The following SIPA1L2 variants were observed in gnomAD, a reference collection of about 807,000 sequenced individuals.
SIPA1L2 encodes signal-induced proliferation-associated 1-like protein 2.
In SIPA1L2, 56 loss-of-function variants were observed where a neutral mutation model predicts 163.9. That is an observed-to-expected ratio of 0.34 (90% confidence interval 0.28 to 0.43). SIPA1L2 has a LOEUF of 0.43. Among genes scored for constraint, SIPA1L2 ranks in the 20% least tolerant of loss-of-function variants. SIPA1L2 has a pLI of 1.00. For missense variants in SIPA1L2, 1,974 were observed against 2,193.5 expected (o/e 0.90, Z 2.00); for synonymous variants, 877 against 865.7 (o/e 1.01, Z -0.23).
chr1:232,604,834 G>A (rs1432402102), intron 1 of SIPA1L2, among the ~76,000 whole-genome samples: 1 of 151,988 alleles, frequency 6.6e-6, no homozygotes, highest in Admixed American at 6.6e-5. Context: ...TCCTGTGTGG[G>A]CCATATAAGA....
At chr1:232,595,506 T>A (rs879791506) in intron 1 of SIPA1L2, among the ~76,000 whole-genome samples, 2 of 152,204 alleles carry the variant, frequency 1.3e-5, no homozygotes, top group African/African-American at 2.4e-5. Flanking sequence ...TCCTTTCAGC[T>A]GTCACATTCC....
Position 232,473,679 on chromosome 1 carries a change from C to T in SIPA1L2, c.2086-2151G>A, listed in dbSNP as rs76283093. Among the ~76,000 whole-genome samples, 91 of 152,316 alleles carry T rather than the reference C, an allele frequency of 6.0e-4. 1 individual carries two copies. Among genetic ancestry groups the T allele is most frequent in the African/African-American group, 2.1e-3 (89 of 41,578 alleles). On this transcript the variant is annotated intron_variant, in intron 7 of 22. Coordinates refer to ENST00000674635, the MANE Select transcript of SIPA1L2 (RefSeq NM_020808.5). The stretch of plus-strand genomic sequence containing the variant: ...CATGCCAAACCACTGTTGTCCCTTT[C>T]TAGACACATTCTTTTGCTTTGTAAA...
intron 19 of SIPA1L2, among the ~76,000 whole-genome samples, chr1:232,410,043 T>C (rs1558153111): frequency 6.6e-6 from 1 of 152,204 alleles, no homozygotes; most frequent in Non-Finnish European, 1.5e-5. Context: ...TATCTAAATT[T>C]CTTTTATCTC....
At chr1:232,493,352 C>T (rs1291024552) in intron 4 of SIPA1L2, among the ~76,000 whole-genome samples, 175 bp downstream of exon 4, 3 of 152,074 alleles carry the variant, frequency 2.0e-5, no homozygotes, top group Non-Finnish European at 2.9e-5. Context: ...TGGCATGTTT[C>T]CAAATTTTTC....
At chr1:232,492,604 G>T (rs1420701915) in intron 4 of SIPA1L2, among the ~76,000 whole-genome samples, 1 of 152,160 alleles carries the variant, frequency 6.6e-6, no homozygotes, top group Non-Finnish European at 1.5e-5. Flanking sequence ...CTAAAAGCAA[G>T]ACAAGCAAGA....
chr1:232,598,405 C>G (rs7523501), intron 1 of SIPA1L2, among the ~76,000 whole-genome samples: 122,670 of 152,140 alleles, frequency 0.81, 50,693 homozygotes, highest in East Asian at 0.92. Flanking sequence ...ATGAAACCCT[C>G]TCTCTAAAAG....
intron 2 of SIPA1L2, among the ~76,000 whole-genome samples, chr1:232,531,982 G>C (rs1035947232): frequency 1.3e-5 from 2 of 152,184 alleles, no homozygotes; most frequent in Non-Finnish European, 2.9e-5. Context: ...AGATCCGGGA[G>C]GGACTGATGG....
intron 8 of SIPA1L2, among the ~76,000 whole-genome samples, chr1:232,466,429 G>T (rs1382789843): frequency 1.3e-5 from 2 of 152,214 alleles, no homozygotes; most frequent in Non-Finnish European, 2.9e-5. Flanking sequence ...CTACATCAGA[G>T]AGTTGCTTTA....
intron 3 of SIPA1L2, among the ~76,000 whole-genome samples, chr1:232,511,096 C>A (rs188325064): frequency 7.2e-5 from 11 of 152,250 alleles, no homozygotes; most frequent in African/African-American, 2.4e-4. Flanking sequence ...CTAACTTCCA[C>A]CTAGAGAGCA....
At chr1:232,433,574 CA>C (rs1192117381) in intron 15 of SIPA1L2, among the ~76,000 whole-genome samples, 1 of 152,044 alleles carries the variant, frequency 6.6e-6, no homozygotes, top group Admixed American at 6.5e-5. Context: ...GCCCTAAAAA[CA>C]ATAAAAATTT....
chr1:232,627,760 C>G (rs2102900146), intron 1 of SIPA1L2, among the ~76,000 whole-genome samples: 1 of 152,320 alleles, frequency 6.6e-6, no homozygotes, highest in South Asian at 2.1e-4. Flanking sequence ...AAGCCAGAAG[C>G]TCCACCCCCA....
chr1:232,586,687 G>C (rs965254790), intron 1 of SIPA1L2, among the ~76,000 whole-genome samples: 1 of 152,190 alleles, frequency 6.6e-6, no homozygotes, highest in Non-Finnish European at 1.5e-5. Flanking sequence ...CTCTTCTAGA[G>C]CCACCCAAGA....
Position 232,419,999 on chromosome 1 carries a change from G to A in SIPA1L2, c.4631-4374C>T, listed in dbSNP as rs1343855341. ...CAACAAACAGATGAATACTGTTGGT[G>A]TTGGTCTGAGAGGGGTTTGGAGTAG... On this transcript the variant is annotated intron_variant, in intron 18 of 22. Transcript: ENST00000674635. Among the ~76,000 whole-genome samples the A allele has an allele frequency of 2.0e-5, 3 of 152,202 alleles. No homozygotes were observed. The East Asian group carries it at 5.8e-4, about 29-fold the overall frequency.
At chr1:232,513,797 T>TG (rs1667088584) in intron 3 of SIPA1L2, 60 bp downstream of exon 3, 9 of 1,503,962 alleles carry the variant, frequency 6.0e-6, no homozygotes, top group Non-Finnish European at 8.0e-6. Flanking sequence ...CAAAACATTG[T>TG]GACTGGTTCT....
chr1:232,470,457 A>G (rs929436943), intron 8 of SIPA1L2, among the ~76,000 whole-genome samples: 2 of 152,190 alleles, frequency 1.3e-5, no homozygotes, highest in Admixed American at 1.3e-4. Flanking sequence ...TAAAATGGCA[A>G]CTTCTCAAAT....
chr1:232,448,917 G>A (rs990383709), intron 10 of SIPA1L2, among the ~76,000 whole-genome samples: 4 of 152,152 alleles, frequency 2.6e-5, no homozygotes, highest in African/African-American at 9.7e-5. Context: ...AGTCAAGGGC[G>A]TGAGGTGCAG....
intron 10 of SIPA1L2, among the ~76,000 whole-genome samples, chr1:232,456,731 G>A (rs1663942493): frequency 6.6e-6 from 1 of 152,144 alleles, no homozygotes; most frequent in Non-Finnish European, 1.5e-5. Context: ...ATTATCCCTT[G>A]CAAAAACAAG....
Position 232,514,483 on chromosome 1 carries a change from G to A in SIPA1L2, c.857C>T (p.Ser286Leu), listed in dbSNP as rs776072045. The change falls in exon 3 of 23, where the codon TCG becomes TTG. Residue 286 changes from serine (S) to leucine (L), a missense_variant. Around this residue, in one of 3 missense-constraint regions of SIPA1L2, gnomAD observed 607 missense variants for 624.0 expected, o/e 0.97. Coordinates refer to ENST00000674635, the MANE Select transcript of SIPA1L2 (RefSeq NM_020808.5). ...CTTTCGGAAGAGAGATGTTTCCACC[G>A]ACTCTGATTTCAACCTCCGTTTGAA... The part of the protein sequence containing the change: ...KPFKRRLKSE[S>L]VETSLFRKLR... 8.7e-6 allele frequency: 14 copies of A among 1,614,152 alleles called. No homozygotes were observed. Among genetic ancestry groups the A allele is most frequent in the Middle Eastern group, 1.6e-4 (1 of 6,062 alleles).
chr1:232,548,586 C>T (rs1309994228), intron 2 of SIPA1L2, among the ~76,000 whole-genome samples: 1 of 152,138 alleles, frequency 6.6e-6, no homozygotes, highest in Non-Finnish European at 1.5e-5. Context: ...AATCAATATA[C>T]TTCATTCATT....
Sources: allele counts gnomAD v4.1 joint callset (sites outside exome capture counted in the v4.1 genomes callset), GRCh38; gene constraint gnomAD v4.1.1; regional missense constraint gnomAD v4.1.1; transcripts MANE v1.5; gene names NCBI Gene and HGNC (gene_info 2026-07-23, HGNC 2026-07-21).